Variants in MAP1LC3B2 observed in about 807,000 individuals in gnomAD.
MAP1LC3B2 encodes the protein microtubule-associated protein 1 light chain 3 beta 2.
For synonymous variants in MAP1LC3B2, 62 were observed against 57.8 expected (o/e 1.07, Z -0.33); for missense variants, 155 against 154.6 (o/e 1.00, Z -0.01).
intron 1 of MAP1LC3B2, among the ~76,000 whole-genome samples, chr12:116,563,030 C>T (rs774935031): frequency 3.3e-5 from 5 of 152,144 alleles, no homozygotes; most frequent in Admixed American, 1.3e-4. Context: ...GGCGCGATCT[C>T]GGCTTACCAC....
chr12:116,575,886 C>T lies in MAP1LC3B2; in HGVS notation c.-57C>T, dbSNP rs758251837. On this transcript the variant is annotated 5_prime_UTR_variant, in exon 2 of 2. Transcript: ENST00000556529. ...GATTCGCTGCCGCAGCAGCCGCCAC[C>T]CCCAGGAGCCGCCGGGACCCTCGCG... is the stretch of plus-strand genomic sequence containing the variant. The T allele has an allele frequency of 1.9e-6, 3 of 1,609,164 alleles. No homozygotes were observed. The highest frequency in any genetic ancestry group is 1.1e-5 in the South Asian group (1 of 90,880).
At chr12:116,570,794 G>T (rs1454107717) in intron 1 of MAP1LC3B2, among the ~76,000 whole-genome samples, 1 of 152,176 alleles carries the variant, frequency 6.6e-6, no homozygotes, top group Non-Finnish European at 1.5e-5. Context: ...GCTAAGCTAT[G>T]ATGTTTGGTA....
intron 1 of MAP1LC3B2, among the ~76,000 whole-genome samples, chr12:116,564,393 A>AT (rs11431871): frequency 0.13 from 18,236 of 144,222 alleles, 2,096 homozygotes; most frequent in Admixed American, 0.3. Flanking sequence ...GACCAGCTTG[A>AT]TTTTTTTTTT....
At chr12:116,563,335 C>T (rs1018398702) in intron 1 of MAP1LC3B2, among the ~76,000 whole-genome samples, 39 of 152,154 alleles carry the variant, frequency 2.6e-4, no homozygotes, top group African/African-American at 9.4e-4. Flanking sequence ...GTAAAACATT[C>T]TTTCACCTTC....
At chr12:116,569,276 CCA>C (rs1188817659) in intron 1 of MAP1LC3B2, among the ~76,000 whole-genome samples, 19 of 152,162 alleles carry the variant, frequency 1.2e-4, no homozygotes, top group African/African-American at 4.6e-4. Flanking sequence ...CAGAAGCTGT[CCA>C]GAGATTGATG....
At chr12:116,560,114 C>G (rs1254305199) in intron 1 of MAP1LC3B2, 1 of 148,304 alleles carries the variant, frequency 6.7e-6, no homozygotes, top group African/African-American at 2.5e-5. Flanking sequence ...CTAACCGATC[C>G]AAGCTGGTGG....
At chr12:116,567,486 G>A (rs1362043051) in intron 1 of MAP1LC3B2, among the ~76,000 whole-genome samples, 12 of 139,392 alleles carry the variant, frequency 8.6e-5, no homozygotes, top group Non-Finnish European at 1.5e-4. Flanking sequence ...GGTGGCTCAC[G>A]CCTGTAGTCC....
At chr12:116,570,604 A>G (rs1220441678) in intron 1 of MAP1LC3B2, among the ~76,000 whole-genome samples, 1 of 152,154 alleles carries the variant, frequency 6.6e-6, no homozygotes, top group Non-Finnish European at 1.5e-5. Context: ...ATGGTTTTAT[A>G]AGGGGTTCCC....
intron 1 of MAP1LC3B2, among the ~76,000 whole-genome samples, chr12:116,570,619 T>C (rs578101347): frequency 2.0e-3 from 301 of 152,340 alleles, no homozygotes; most frequent in South Asian, 5.2e-3. Context: ...GTTCCCCCTT[T>C]CACTTGGCTC....
chr12:116,559,837 G>A (rs978235411), intron 1 of MAP1LC3B2: 1 of 152,192 alleles, frequency 6.6e-6, no homozygotes, highest in African/African-American at 2.4e-5. Flanking sequence ...AGTGAGAGGA[G>A]GAGGAGGGGA....
At chr12:116,562,981 G>A (rs942741575) in intron 1 of MAP1LC3B2, among the ~76,000 whole-genome samples, 14 of 152,140 alleles carry the variant, frequency 9.2e-5, no homozygotes, top group Admixed American at 2.0e-4. Context: ...TTTTATTTGA[G>A]ATGGAGTTTC....
chr12:116,561,765 C>A (rs1452595460), intron 1 of MAP1LC3B2, among the ~76,000 whole-genome samples: 1 of 152,182 alleles, frequency 6.6e-6, no homozygotes, highest in African/African-American at 2.4e-5. Flanking sequence ...CCTCATCTGT[C>A]CAATGGAGAT....
intron 1 of MAP1LC3B2, among the ~76,000 whole-genome samples, chr12:116,563,232 T>G (rs1869313741): frequency 6.6e-6 from 1 of 152,202 alleles, no homozygotes; most frequent in African/African-American, 2.4e-5. Flanking sequence ...GTGCTGGGAT[T>G]ACAGGCATGA....
chr12:116,568,960 C>T (rs935575039), intron 1 of MAP1LC3B2, among the ~76,000 whole-genome samples: 2 of 150,574 alleles, frequency 1.3e-5, no homozygotes, highest in Non-Finnish European at 2.9e-5. Flanking sequence ...CCTGGGTTCA[C>T]GCCATTCTCC....
intron 1 of MAP1LC3B2, among the ~76,000 whole-genome samples, chr12:116,568,248 A>AG (rs1282253536): frequency 6.6e-6 from 1 of 152,240 alleles, no homozygotes; most frequent in Non-Finnish European, 1.5e-5. Flanking sequence ...CTCAAAAAAA[A>AG]GAATGCACAG....
At chr12:116,571,909 TC>T (rs1371426391) in intron 1 of MAP1LC3B2, among the ~76,000 whole-genome samples, 39 of 148,846 alleles carry the variant, frequency 2.6e-4, no homozygotes, top group African/African-American at 8.7e-4. Flanking sequence ...TTTTTAATGG[TC>T]ATAGCTGTAG....
intron 1 of MAP1LC3B2, among the ~76,000 whole-genome samples, chr12:116,560,252 G>GTATATGTA (rs1869236500): frequency 1.0e-5 from 1 of 100,338 alleles, no homozygotes; most frequent in Admixed American, 9.9e-5. Context: ...GTATGTATAT[G>GTATATGTA]TATATATATA....
At chr12:116,569,559 A>T (rs1418960836) in intron 1 of MAP1LC3B2, among the ~76,000 whole-genome samples, 1 of 152,204 alleles carries the variant, frequency 6.6e-6, no homozygotes, top group Non-Finnish European at 1.5e-5. Context: ...AGACCCTAGC[A>T]GCTACCTTGT....
At chr12:116,565,583 G>C (rs995877892) in intron 1 of MAP1LC3B2, among the ~76,000 whole-genome samples, 1 of 152,144 alleles carries the variant, frequency 6.6e-6, no homozygotes, top group African/African-American at 2.4e-5. Context: ...ACCATATCAC[G>C]GGAGAACTAA....
Sources: allele counts gnomAD v4.1 joint callset (sites outside exome capture counted in the v4.1 genomes callset), GRCh38; gene constraint gnomAD v4.1.1; transcripts MANE v1.5; gene names NCBI Gene and HGNC (gene_info 2026-07-23, HGNC 2026-07-21).